HECTD4: variants seen among roughly 807,000 people sequenced by gnomAD.
HECTD4 encodes probable E3 ubiquitin-protein ligase HECTD4.
HECTD4 carries 114 observed loss-of-function variants against 471.5 expected under a neutral mutation model. The observed-to-expected ratio is 0.24, with a 90% confidence interval of 0.21 to 0.28. The LOEUF (loss-of-function observed/expected upper bound fraction) is 0.28, where lower values mean the gene tolerates loss of function less well. HECTD4 is among the 10% of genes least tolerant of loss of function. The probability of loss-of-function intolerance (pLI) is 1.00; values close to 1 mark genes in which losing one functional copy is unlikely to be tolerated. For synonymous variants in HECTD4, 2,012 were observed against 2,256.0 expected (o/e 0.89, Z 3.07); for missense variants, 3,866 against 5,651.5 (o/e 0.68, Z 10.13).
At position 112,185,078 on chromosome 12, in the gene HECTD4, C is replaced by A; in HGVS notation, c.9888G>T (p.Ser3296=). 3.2e-6 allele frequency: 5 copies of A among 1,580,892 alleles called. No homozygotes were observed. Among genetic ancestry groups the A allele is most frequent in the Non-Finnish European group, 4.3e-6 (5 of 1,163,114 alleles). The change falls in exon 61 of 76, where the codon TCG becomes TCT. Residue 3296 remains serine, a synonymous_variant. Transcript: ENST00000682272. ...PNLSDSSSSS[S]SSPGQTPQSP... ...TCTGTGGGGTCTGTCCTGGGGAGGA[C>A]GAGGAGGAGGAGGACGAGTCACTGA... is the stretch of plus-strand genomic sequence containing the variant.
In HECTD4 at chr12:112,247,490, C is replaced by A; in HGVS notation, c.4309G>T (p.Asp1437Tyr). ...SMKEVSFDGN[D>Y]LENMVLSLRE... ...AGTGATAGGACCATGTTTTCAAGATCATTCCCATCAAAGGAGACTTCCTTC... is the reference window on the plus strand; with the variant it reads ...AGTGATAGGACCATGTTTTCAAGATAATTCCCATCAAAGGAGACTTCCTTC... Residue 1437 changes from aspartate to tyrosine, a missense_variant, in exon 28 of 76, where the codon GAT becomes TAT. Around this residue, in one of 16 missense-constraint regions of HECTD4, gnomAD observed 281 missense variants for 499.9 expected, o/e 0.56. Transcript: ENST00000682272. The A allele has an allele frequency of 6.5e-7, 1 of 1,541,492 alleles. No individual in the cohort carries two copies. The highest frequency in any genetic ancestry group is 8.8e-7 in the Non-Finnish European group (1 of 1,140,172).
At chr12:112,254,673 T>C (rs553659804) in intron 21 of HECTD4, among the ~76,000 whole-genome samples, 28 of 152,102 alleles carry the variant, frequency 1.8e-4, no homozygotes, top group Non-Finnish European at 3.8e-4. Context: ...ATGCAACAAA[T>C]TGAAAATAAG....
In HECTD4 at chr12:112,281,477, T is replaced by C. The variant is rs893331661; in HGVS notation, c.1528+1633A>G. Among the ~76,000 whole-genome samples, 3 of 152,130 alleles carry C rather than the reference T, an allele frequency of 2.0e-5. No individual in the cohort carries two copies. In the East Asian group the frequency reaches 5.8e-4, roughly 29 times the overall value. ...CATTGTTTAGGGTAAGATTTCATTT[T>C]CTCCCAAGGGACAAACCCAGATCAG... On this transcript the variant is annotated intron_variant, in intron 8 of 75. Coordinates refer to ENST00000682272, the MANE Select transcript of HECTD4 (RefSeq NM_001388303.1).
intron 70 of HECTD4, among the ~76,000 whole-genome samples, chr12:112,168,509 C>G (rs1006025949): frequency 6.6e-5 from 10 of 152,356 alleles, no homozygotes; most frequent in Non-Finnish European, 1.3e-4. Flanking sequence ...CCTGTGTTCC[C>G]TATCGGTACC....
At position 112,273,080 on chromosome 12, in the gene HECTD4, T is replaced by C. The variant is rs558059261; in HGVS notation, c.1942+575A>G. 2.0e-5 allele frequency among the ~76,000 whole-genome samples: 3 copies of C among 152,326 alleles called. No individual in the cohort carries two copies. The South Asian group carries it at 6.2e-4, about 32-fold the overall frequency. On this transcript the variant is annotated intron_variant, in intron 11 of 75. Coordinates refer to ENST00000682272, the MANE Select transcript of HECTD4 (RefSeq NM_001388303.1). ...GAATAACAACTCTCAATTTAGTGTA[T>C]GCCTTGGCAATTTCCAGGGCCTGGA...
chr12:112,366,080 G>A lies in HECTD4; in HGVS notation c.177+15872C>T, dbSNP rs763538615. On this transcript the variant is annotated intron_variant, in intron 1 of 75. Transcript: ENST00000682272. ...CAACAGTTACCGTTTGAGGTTACCT[G>A]TTTAAAATGATTAGCAGTATAAGAT... Among the ~76,000 whole-genome samples the A allele has an allele frequency of 3.9e-5, 6 of 152,094 alleles. No individual in the cohort carries two copies. The South Asian group carries it at 8.3e-4, about 21-fold the overall frequency.
intron 45 of HECTD4, among the ~76,000 whole-genome samples, chr12:112,218,117 C>G (rs1156553151): frequency 6.7e-6 from 1 of 149,424 alleles, no homozygotes; most frequent in Non-Finnish European, 1.5e-5. Flanking sequence ...AAGATCAGGC[C>G]ACTGCACTCC....
In HECTD4 at chr12:112,295,810, A is replaced by AT. The variant is rs111334257; in HGVS notation, c.1335+10253_1335+10254insA. ...ACATGCACCATTAAATTAAAAAAAA[A>AT]ATATATATATATATACACACACACA... is the stretch of plus-strand genomic sequence containing the variant. On this transcript the variant is annotated intron_variant, in intron 7 of 75. Coordinates refer to ENST00000682272, the MANE Select transcript of HECTD4 (RefSeq NM_001388303.1). 5.4e-3 allele frequency among the ~76,000 whole-genome samples: 773 copies of AT among 141,878 alleles called. 12 individuals carry two copies. Among genetic ancestry groups the AT allele is most frequent in the African/African-American group, 0.016 (583 of 37,584 alleles). 93.1% of individuals were successfully genotyped at this position (141,878 alleles called of 152,430 possible).
chr12:112,212,913 A>G (rs1442791075), intron 48 of HECTD4, among the ~76,000 whole-genome samples: 1 of 152,172 alleles, frequency 6.6e-6, no homozygotes, highest in Non-Finnish European at 1.5e-5. Context: ...TTCCTGCCTC[A>G]GCCTCCAGAG....
chr12:112,373,855 T>C (rs1444953781), intron 1 of HECTD4, among the ~76,000 whole-genome samples: 1 of 150,776 alleles, frequency 6.6e-6, no homozygotes, highest in African/African-American at 2.4e-5. Context: ...AAATATAAAA[T>C]TAGCCAGGCA....
At chr12:112,283,384 G>A (rs1170963165) in intron 7 of HECTD4, 82 bp from the exon 8 acceptor site, 1 of 1,099,786 alleles carries the variant, frequency 9.1e-7, no homozygotes, top group Non-Finnish European at 1.3e-6. Flanking sequence ...ATTATTGTGA[G>A]TAAATAAAAA....
intron 1 of HECTD4, among the ~76,000 whole-genome samples, chr12:112,323,990 C>CT (rs1246499452): frequency 2.9e-5 from 1 of 34,132 alleles, no homozygotes; most frequent in African/African-American, 3.0e-4. Flanking sequence ...TCCTTCCTTC[C>CT]TTCCTTCCTT....
chr12:112,230,533 C>T (rs1339715997), intron 40 of HECTD4, among the ~76,000 whole-genome samples, 154 bp downstream of exon 40: 1 of 152,206 alleles, frequency 6.6e-6, no homozygotes, highest in Non-Finnish European at 1.5e-5. Context: ...GTTGAAAGTA[C>T]TACAGTAAAG....
rs558066365 is a variant in HECTD4 at position 112,268,802 on chromosome 12, C to CA, written c.2321+901dup. On this transcript the variant is annotated intron_variant, in intron 13 of 75. Transcript: ENST00000682272. ...AGTTCACTGAACTAAAAAAACAAAC[C>CA]AAAAAAAAAAAAGACTTACAATAAA... Among the ~76,000 whole-genome samples the CA allele has an allele frequency of 2.4e-3, 258 of 106,458 alleles. 1 individual carries two copies. In the South Asian group the frequency reaches 0.036, roughly 15 times the overall value. 69.8% of individuals were successfully genotyped at this position (106,458 alleles called of 152,430 possible).
intron 1 of HECTD4, among the ~76,000 whole-genome samples, chr12:112,362,806 G>A (rs1409931992): frequency 6.6e-6 from 1 of 151,542 alleles, no homozygotes; most frequent in Non-Finnish European, 1.5e-5. Flanking sequence ...GGCTCAATCA[G>A]TCCTCCTGCC....
intron 44 of HECTD4, among the ~76,000 whole-genome samples, chr12:112,221,949 A>C (rs945353606): frequency 7.1e-6 from 1 of 141,352 alleles, no homozygotes; most frequent in African/African-American, 2.7e-5. Context: ...TTTGAGACGG[A>C]GTCTCACTGT....
Position 112,217,099 on chromosome 12 carries a change from G to T in HECTD4, c.7171C>A (p.Pro2391Thr). ...CGGGGCAGGCCTCCCCCAGCGCTGG[G>T]GTCAGCCAGGAAGGTGACTGAGGTA... ...HLTSVTFLAD[P>T]SAGGGLPRGT... Residue 2391 changes from proline to threonine, a missense_variant, in exon 46 of 76, where the codon CCC (proline) becomes ACC (threonine). By Grantham distance (38) the Pro-to-Thr change is conservative. Coordinates refer to ENST00000682272, the MANE Select transcript of HECTD4 (RefSeq NM_001388303.1). 6.3e-7 allele frequency: 1 copy of T among 1,594,406 alleles called. No homozygotes were observed. The highest frequency in any genetic ancestry group is 8.5e-7 in the Non-Finnish European group (1 of 1,170,432).
intron 66 of HECTD4, among the ~76,000 whole-genome samples, chr12:112,174,267 CTT>C (rs57405754): frequency 6.3e-5 from 9 of 142,738 alleles, no homozygotes; most frequent in Non-Finnish European, 4.6e-5. Flanking sequence ...CCTCGTCTGA[CTT>C]TTTTTTTTTT....
intron 1 of HECTD4, among the ~76,000 whole-genome samples, chr12:112,349,121 G>A (rs913780939): frequency 2.0e-5 from 3 of 151,962 alleles, no homozygotes; most frequent in South Asian, 2.1e-4. Context: ...GGCCAGGTGC[G>A]GTGGCTCACG....
Sources: allele counts gnomAD v4.1 joint callset (sites outside exome capture counted in the v4.1 genomes callset), GRCh38; gene constraint gnomAD v4.1.1; regional missense constraint gnomAD v4.1.1; transcripts MANE v1.5; gene names NCBI Gene and HGNC (gene_info 2026-07-23, HGNC 2026-07-21).